The following TSPEAR variants were observed in gnomAD, a reference collection of about 807,000 sequenced individuals.
The protein encoded by TSPEAR is thrombospondin-type laminin G domain and EAR repeat-containing protein.
TSPEAR carries 69 observed loss-of-function variants against 71.6 expected under a neutral mutation model. That is an observed-to-expected ratio of 0.96 (90% confidence interval 0.79 to 1.18). TSPEAR has a LOEUF of 1.18. Among genes scored for constraint, TSPEAR ranks in the 50% most tolerant of loss-of-function variants. TSPEAR has a pLI of 0.00. For missense variants in TSPEAR, 971 were observed against 894.9 expected, an observed-to-expected ratio of 1.09 and a Z score of -1.09; for synonymous variants, 402 against 387.2, an observed-to-expected ratio of 1.04 and a Z score of -0.45.
At chr21:44,661,137 G>A (rs1172020453) in intron 1 of TSPEAR, among the ~76,000 whole-genome samples, 1 of 152,042 alleles carries the variant, frequency 6.6e-6, no homozygotes, top group Non-Finnish European at 1.5e-5. Flanking sequence ...AGCCGGGTGT[G>A]GTGGCGGGCG....
chr21:44,676,565 G>A, intron 1 of TSPEAR: 1 of 725,506 alleles, frequency 1.4e-6, no homozygotes. Flanking sequence ...TGACTTAGAT[G>A]ATGAAACTGT....
chr21:44,573,760 T>C (rs782159642), intron 1 of TSPEAR: 16 of 1,612,156 alleles, frequency 9.9e-6, no homozygotes, highest in South Asian at 2.2e-5. Flanking sequence ...GCATCCACCA[T>C]GTCCGTCTGC....
intron 9 of TSPEAR, chr21:44,509,776 A>G (rs911069349): frequency 2.2e-4 from 52 of 239,176 alleles, no homozygotes; most frequent in African/African-American, 1.1e-3. Context: ...CCTAGCGACC[A>G]TCTGTGTGAC....
intron 2 of TSPEAR, among the ~76,000 whole-genome samples, chr21:44,536,612 T>C (rs2053094772): frequency 1.3e-5 from 2 of 152,238 alleles, no homozygotes; most frequent in African/African-American, 4.8e-5. Flanking sequence ...CTTTGACGCT[T>C]TCTCATGAAA....
intron 1 of TSPEAR, among the ~76,000 whole-genome samples, chr21:44,606,447 AC>A (rs2146163749): frequency 6.6e-6 from 1 of 152,338 alleles, no homozygotes; most frequent in South Asian, 2.1e-4. Context: ...TACAACCACT[AC>A]GGGAAACAGT....
chr21:44,587,882 G>T (rs1311539050), intron 1 of TSPEAR, among the ~76,000 whole-genome samples: 1 of 152,172 alleles, frequency 6.6e-6, no homozygotes, highest in Non-Finnish European at 1.5e-5. Context: ...ACTCAAGATG[G>T]ATCAAGGACT....
rs587721129 is a variant in TSPEAR at position 44,529,997 on chromosome 21, G to A, written c.634-43C>T. On this transcript the variant is annotated intron_variant, in intron 4 of 11. Coordinates refer to ENST00000323084, the MANE Select transcript of TSPEAR (RefSeq NM_144991.3). Reference sequence around the variant, plus strand: ...GCTCCTTCAGGCCCGCGCTGCTGGGGAAGGACCCGCTGAGGAGGCGACCAC... The same window carrying A: ...GCTCCTTCAGGCCCGCGCTGCTGGGAAAGGACCCGCTGAGGAGGCGACCAC... 2.0e-6 allele frequency: 3 copies of A among 1,506,948 alleles called. No homozygotes were observed. In the South Asian group the frequency reaches 3.9e-5, roughly 20 times the overall value. The allele number at this position is 1,506,948 out of a possible 1,614,324, so 93.3% of individuals were successfully genotyped here.
intron 1 of TSPEAR, chr21:44,698,057 C>G (rs892923900): frequency 3.1e-6 from 4 of 1,288,772 alleles, no homozygotes; most frequent in Admixed American, 2.3e-5. Flanking sequence ...GTGTCTGTCT[C>G]TTCCTTGGAG....
At chr21:44,679,537 G>GA (rs1296956574) in intron 1 of TSPEAR, among the ~76,000 whole-genome samples, 2 of 152,058 alleles carry the variant, frequency 1.3e-5, no homozygotes, top group African/African-American at 2.4e-5. Context: ...CACAGAAGTA[G>GA]AAAAAACAGT....
In TSPEAR at chr21:44,689,708, AATGAATATATATATAT is replaced by A. The variant is rs1323777689; in HGVS notation, c.82+21709_82+21724del. On this transcript the variant is annotated intron_variant, in intron 1 of 11. Coordinates refer to ENST00000323084, the MANE Select transcript of TSPEAR (RefSeq NM_144991.3). ...GGGTTCCCTTAGAGGGACAGAATAG[AATGAATATATATATAT>A]ATATATATATATATATTTTGGGGGG... Among the ~76,000 whole-genome samples the A allele has an allele frequency of 1.0e-3, 39 of 38,484 alleles. 1 individual carries two copies. Among genetic ancestry groups the A allele is most frequent in the African/African-American group, 2.4e-3 (20 of 8,254 alleles). The allele number at this position is 38,484 out of a possible 152,430, so 25.2% of individuals were successfully genotyped here.
At chr21:44,580,050 A>C (rs200684127) in intron 1 of TSPEAR, 1 of 1,594,554 alleles carries the variant, frequency 6.3e-7, no homozygotes, top group Non-Finnish European at 8.6e-7. Context: ...GGCTTGCAAC[A>C]GACAGGCACG....
intron 1 of TSPEAR, among the ~76,000 whole-genome samples, chr21:44,673,433 A>G (rs971007228): frequency 2.0e-5 from 3 of 152,230 alleles, no homozygotes; most frequent in African/African-American, 7.2e-5. Context: ...ATATGCACCC[A>G]ATACCAAAAG....
intron 1 of TSPEAR, among the ~76,000 whole-genome samples, chr21:44,650,006 G>C (rs188639776): frequency 6.6e-6 from 1 of 152,134 alleles, no homozygotes; most frequent in Non-Finnish European, 1.5e-5. Flanking sequence ...AGGACCACTC[G>C]AGCCCAGGAG....
At chr21:44,592,600 G>T in intron 1 of TSPEAR, 1 of 1,469,024 alleles carries the variant, frequency 6.8e-7, no homozygotes. Flanking sequence ...CTTCCGTGTT[G>T]CCGAGAGCTG....
chr21:44,649,473 G>C (rs368884959), intron 1 of TSPEAR, among the ~76,000 whole-genome samples: 2 of 152,086 alleles, frequency 1.3e-5, no homozygotes. Flanking sequence ...CGCTACCCAC[G>C]TGTGCCAACA....
intron 1 of TSPEAR, among the ~76,000 whole-genome samples, chr21:44,589,651 A>AC (rs375727854): frequency 1.8e-4 from 27 of 151,468 alleles, no homozygotes; most frequent in Middle Eastern, 3.4e-3. Context: ...CAGAGGTGAG[A>AC]CCCCCCCACC....
chr21:44,574,971 G>T, intron 1 of TSPEAR: 1 of 1,611,868 alleles, frequency 6.2e-7, no homozygotes, highest in Non-Finnish European at 8.5e-7. Flanking sequence ...CTGACGCCCC[G>T]TGTGCTCCCG....
chr21:44,627,759 C>A, intron 1 of TSPEAR: 1 of 1,598,964 alleles, frequency 6.3e-7, no homozygotes, highest in African/African-American at 1.3e-5. Context: ...GCAAACCCAT[C>A]TGCTGTGTGC....
At chr21:44,521,317 G>A (rs375174415) in intron 9 of TSPEAR, among the ~76,000 whole-genome samples, 6 of 152,320 alleles carry the variant, frequency 3.9e-5, no homozygotes, top group East Asian at 1.9e-4. Flanking sequence ...CAGGCAGCAC[G>A]CTGTCCCTGC....
Sources: allele counts gnomAD v4.1 joint callset (sites outside exome capture counted in the v4.1 genomes callset), GRCh38; gene constraint gnomAD v4.1.1; transcripts MANE v1.5; gene names NCBI Gene and HGNC (gene_info 2026-07-23, HGNC 2026-07-21).